The following NCF4 variants were observed in gnomAD, a reference collection of about 807,000 sequenced individuals.
NCF4 encodes neutrophil cytosolic factor 4.
In NCF4, 30 loss-of-function variants were observed where a neutral mutation model predicts 41.7. The observed-to-expected ratio is 0.72, with a 90% confidence interval of 0.54 to 0.97. The LOEUF (loss-of-function observed/expected upper bound fraction) is 0.97, where lower values mean the gene tolerates loss of function less well. Among genes scored for constraint, NCF4 ranks in the 50% least tolerant of loss-of-function variants. The pLI, the probability that NCF4 is intolerant of heterozygous loss-of-function variation, is 0.00. For missense variants in NCF4, 432 were observed against 460.9 expected (o/e 0.94, Z 0.57); for synonymous variants, 195 against 175.8 (o/e 1.11, Z -0.87).
intron 1 of NCF4, among the ~76,000 whole-genome samples, chr22:36,861,791 T>C (rs1382814470): frequency 2.0e-5 from 3 of 152,250 alleles, no homozygotes; most frequent in South Asian, 4.1e-4. Context: ...TGTGTCCGTT[T>C]TGATCGCTGC....
intron 1 of NCF4, 54 bp from the exon 2 acceptor site, chr22:36,863,991 C>A: frequency 6.5e-7 from 1 of 1,542,108 alleles, no homozygotes; most frequent in Non-Finnish European, 9.0e-7. Context: ...CCCGGTGGGC[C>A]CACAAAACAC....
At chr22:36,861,522 T>C (rs1448800450) in intron 1 of NCF4, among the ~76,000 whole-genome samples, 1 of 152,304 alleles carries the variant, frequency 6.6e-6, no homozygotes, top group South Asian at 2.1e-4. Flanking sequence ...TTGCTTCACA[T>C]GGTGATCAGC....
intron 9 of NCF4, among the ~76,000 whole-genome samples, chr22:36,876,942 C>T (rs752767096): frequency 2.6e-5 from 4 of 152,138 alleles, no homozygotes; most frequent in Non-Finnish European, 4.4e-5. Context: ...CGCATCTTCC[C>T]GCACCCAGGC....
At chr22:36,873,920 T>C (rs1482051611) in intron 7 of NCF4, among the ~76,000 whole-genome samples, 2 of 152,368 alleles carry the variant, frequency 1.3e-5, no homozygotes, top group South Asian at 2.1e-4. Context: ...TAAAAGCTGC[T>C]GATGAAGAGT....
chr22:36,866,307 C>T (rs908470868), intron 3 of NCF4, among the ~76,000 whole-genome samples: 6 of 152,102 alleles, frequency 3.9e-5, no homozygotes, highest in Admixed American at 2.0e-4. Context: ...ATTCTGGCTT[C>T]CATGGCCAGT....
chr22:36,876,229 C>G (rs1940191328), intron 9 of NCF4, 135 bp downstream of exon 9: 2 of 939,936 alleles, frequency 2.1e-6, no homozygotes, highest in Non-Finnish European at 3.1e-6. Flanking sequence ...CAGCCCAGCC[C>G]TGCAGGTTAG....
chr22:36,869,369 A>T (rs934802364), intron 4 of NCF4, among the ~76,000 whole-genome samples: 2 of 152,206 alleles, frequency 1.3e-5, no homozygotes, highest in African/African-American at 4.8e-5. Flanking sequence ...TTTATTAATG[A>T]CCATCTGGAG....
intron 1 of NCF4, among the ~76,000 whole-genome samples, chr22:36,862,372 G>A (rs570142482): frequency 7.9e-5 from 12 of 152,350 alleles, no homozygotes; most frequent in Admixed American, 5.2e-4. Flanking sequence ...GCCTCAGAGC[G>A]GGGTGCAGGA....
In NCF4 at chr22:36,865,699, C is replaced by T. The variant is rs1475680679; in HGVS notation, c.271+627C>T. Among the ~76,000 whole-genome samples the T allele has an allele frequency of 1.3e-5, 2 of 152,202 alleles. No individual in the cohort carries two copies. Among genetic ancestry groups the T allele is most frequent in the South Asian group, 2.1e-4 (1 of 4,832 alleles). On this transcript the variant is annotated intron_variant, in intron 3 of 9. Transcript: ENST00000248899. The surrounding 1 kb of genome is among the most constrained non-coding windows in gnomAD (Gnocchi z 4.3). Reference sequence around the variant, plus strand: ...GAAACCCCATCACGAATGGGTTACACGGGGGTGGTCTCAGCGGCGCCCTTC... The same window carrying T: ...GAAACCCCATCACGAATGGGTTACATGGGGGTGGTCTCAGCGGCGCCCTTC...
Position 36,876,044 on chromosome 22 carries a change from G to T in NCF4, c.774G>T (p.Glu258Asp), listed in dbSNP as rs1168483867. ...ACCCCCTTAGGGACATCGCGGTGGA[G>T]GAAGATCTCAGCAGCACTCCCCTAT... is the stretch of plus-strand genomic sequence containing the variant. Reference protein sequence around the residue: ...TISTIKDIAVEEDLSSTPLLK... With the variant: ...TISTIKDIAVDEDLSSTPLLK... The change falls in exon 9 of 10, where the codon GAG (glutamate) becomes GAT (aspartate). Residue 258 changes from glutamate (E) to aspartate (D), a missense_variant. Physicochemically the swap from Glu to Asp is conservative, Grantham distance 45. Transcript: ENST00000248899. The T allele has an allele frequency of 2.5e-6, 4 of 1,612,722 alleles. No individual in the cohort carries two copies. Among genetic ancestry groups the T allele is most frequent in the Non-Finnish European group, 2.5e-6 (3 of 1,178,910 alleles).
In NCF4 at chr22:36,877,549, A is replaced by G. The variant is rs961569214; in HGVS notation, c.825-79A>G. The G allele has an allele frequency of 2.0e-6, 3 of 1,489,270 alleles. No individual in the cohort carries two copies. The Admixed American group carries it at 5.0e-5, about 25-fold the overall frequency. The allele number at this position is 1,489,270 out of a possible 1,614,324, so 92.3% of individuals were successfully genotyped here. ...TTTTTCTTACTCCTGGCTTCAGGAC[A>G]TAAAACCCTTTTCACCCCCTCTCCC... On this transcript the variant is annotated intron_variant, in intron 9 of 9. Coordinates refer to ENST00000248899, the MANE Select transcript of NCF4 (RefSeq NM_000631.5).
chr22:36,870,677 T>A, intron 5 of NCF4, 135 bp downstream of exon 5: 1 of 1,269,140 alleles, frequency 7.9e-7, no homozygotes, highest in Non-Finnish European at 1.1e-6. Flanking sequence ...TGATTTGATT[T>A]ATTAGATGGG....
rs1441874737 is a variant in NCF4 at position 36,865,922 on chromosome 22, C to G, written c.271+850C>G. Among the ~76,000 whole-genome samples, 1 of 152,148 alleles carries G rather than the reference C, an allele frequency of 6.6e-6. No homozygotes were observed. Among genetic ancestry groups the G allele is most frequent in the Admixed American group, 6.5e-5 (1 of 15,274 alleles). ...GCTCCCCCTAGGAGTCTTGCCTACT[C>G]TAAGCCAGCCTCCCCTCTCAGGCTC... On this transcript the variant is annotated intron_variant, in intron 3 of 9. Transcript: ENST00000248899. The surrounding 1 kb of genome is among the most constrained non-coding windows in gnomAD (Gnocchi z 4.3).
chr22:36,866,289 A>G (rs1939925401), intron 3 of NCF4, among the ~76,000 whole-genome samples: 1 of 150,848 alleles, frequency 6.6e-6, no homozygotes, highest in Admixed American at 6.6e-5. Context: ...GTGGGCCATG[A>G]CCCATCAATT....
chr22:36,869,692 T>C (rs1311663104), intron 4 of NCF4, among the ~76,000 whole-genome samples: 1 of 152,030 alleles, frequency 6.6e-6, no homozygotes, highest in African/African-American at 2.4e-5. Flanking sequence ...CCTCACAGCT[T>C]CAAAGTCTTT....
rs4821544 is a variant in NCF4, at chr22:36,862,461, T to C, written c.32+1258T>C. On this transcript the variant is annotated intron_variant, in intron 1 of 9. Transcript: ENST00000248899. ...GGACCCAGCCGCACGCAAACTCGAA[T>C]CTTCCGGAAGCAGCAGCTGTTTGAG... Among the ~76,000 whole-genome samples, 57,708 of 152,088 alleles carry C rather than the reference T, an allele frequency of 0.38. 12,532 individuals carry two copies. The highest frequency in any genetic ancestry group is 0.59 in the African/African-American group (24,420 of 41,462).
At chr22:36,875,572 T>C in intron 7 of NCF4, 81 bp from the exon 8 acceptor site, 1 of 1,346,210 alleles carries the variant, frequency 7.4e-7, no homozygotes, top group African/African-American at 1.4e-5. Context: ...TCCCCATCAC[T>C]AGAACGGGGC....
Position 36,877,893 on chromosome 22 carries a change from C to G in NCF4, c.*70C>G. On this transcript the variant is annotated 3_prime_UTR_variant, in exon 10 of 10. Coordinates refer to ENST00000248899, the MANE Select transcript of NCF4 (RefSeq NM_000631.5). ...TTCAGCTCTCAGAGGAGATTGGGACCAGGAAAACCTGGGAGGATGGGCAGA... is the reference window on the plus strand; with the variant it reads ...TTCAGCTCTCAGAGGAGATTGGGACGAGGAAAACCTGGGAGGATGGGCAGA... 1 of 1,482,980 alleles carries G rather than the reference C, an allele frequency of 6.7e-7. No homozygotes were observed. The highest frequency in any genetic ancestry group is 9.2e-7 in the Non-Finnish European group (1 of 1,086,326). 91.9% of individuals were successfully genotyped at this position (1,482,980 alleles called of 1,614,324 possible). A position where few individuals can be genotyped will look rare whatever the true frequency, so the allele number is the denominator to read the frequency against.
chr22:36,862,846 T>A (rs1188785925), intron 1 of NCF4, among the ~76,000 whole-genome samples: 2 of 152,138 alleles, frequency 1.3e-5, no homozygotes, highest in East Asian at 3.9e-4. Context: ...ACAGACATGT[T>A]TTGAGCACCT....
Sources: allele counts gnomAD v4.1 joint callset (sites outside exome capture counted in the v4.1 genomes callset), GRCh38; gene constraint gnomAD v4.1.1; non-coding constraint Gnocchi (gnomAD v3.1); transcripts MANE v1.5; gene names NCBI Gene and HGNC (gene_info 2026-07-23, HGNC 2026-07-21).